PTPRU: variants seen among roughly 807,000 people sequenced by gnomAD.
PTPRU encodes the protein protein tyrosine phosphatase receptor type U.
A neutral mutation model predicts 166.3 loss-of-function variants in PTPRU; 69 were observed. The observed-to-expected ratio is 0.41, with a 90% CI of 0.34 to 0.51. The LOEUF (loss-of-function observed/expected upper bound fraction) is 0.51. Ranked by LOEUF, PTPRU falls within the 20% of genes least tolerant of loss-of-function variation. The pLI, the probability that PTPRU is intolerant of heterozygous loss-of-function variation, is 0.09. For synonymous variants in PTPRU, 793 were observed against 814.0 expected (o/e 0.97, Z 0.44); for missense variants, 1,657 against 2,013.7 (o/e 0.82, Z 3.39).
chr1:29,287,001 G>C (rs1198292870), intron 14 of PTPRU, among the ~76,000 whole-genome samples: 1 of 152,136 alleles, frequency 6.6e-6, no homozygotes, highest in Non-Finnish European at 1.5e-5. Context: ...CTGCATTGTG[G>C]GTATCATGGG....
In PTPRU at chr1:29,325,993, C is replaced by A; in HGVS notation, c.*332C>A. ...TGGCTCTGGGGGACTCAGGCCAAGC[C>A]CCTTGGCACCATCCTGGCTTTTGGC... On this transcript the variant is annotated 3_prime_UTR_variant, in exon 30 of 30. Coordinates refer to ENST00000373779, the MANE Select transcript of PTPRU (RefSeq NM_133178.4). 2.3e-6 allele frequency: 1 copy of A among 427,838 alleles called. No homozygotes were observed. The highest frequency in any genetic ancestry group is 4.1e-6 in the Non-Finnish European group (1 of 245,480). 26.5% of individuals were successfully genotyped at this position (427,838 alleles called of 1,614,324 possible).
chr1:29,323,155 G>A, intron 26 of PTPRU: 2 of 575,870 alleles, frequency 3.5e-6, no homozygotes, highest in South Asian at 4.1e-5. Flanking sequence ...TGATCTGAAC[G>A]TGTCAGTGCA....
chr1:29,288,620 G>A (rs1021463062), intron 14 of PTPRU, among the ~76,000 whole-genome samples: 2 of 152,100 alleles, frequency 1.3e-5, no homozygotes, highest in African/African-American at 2.4e-5. Flanking sequence ...TGCCTTTGCT[G>A]GTCCGTCTTC....
At chr1:29,275,869 C>T in intron 8 of PTPRU, 113 bp downstream of exon 8, 1 of 1,210,908 alleles carries the variant, frequency 8.3e-7, no homozygotes. Flanking sequence ...TAGGATTAAA[C>T]CAACTGTATA....
chr1:29,250,562 G>T (rs147808269), intron 1 of PTPRU, among the ~76,000 whole-genome samples: 121 of 152,364 alleles, frequency 7.9e-4, no homozygotes, highest in Middle Eastern at 3.4e-3. Context: ...CTGAGTTGCT[G>T]AGGATTCACC....
chr1:29,299,884 T>A lies in PTPRU; in HGVS notation c.2477-3971T>A, dbSNP rs553905936. Among the ~76,000 whole-genome samples, 90 of 152,292 alleles carry A rather than the reference T, an allele frequency of 5.9e-4. 1 individual carries two copies. The highest frequency in any genetic ancestry group is 2.0e-3 in the African/African-American group (84 of 41,566). ...ACGGACACTCCTTGGAATCATCTTT[T>A]CAAGCTGCCTTTTAGGTCCCAGACC... is the stretch of plus-strand genomic sequence containing the variant. On this transcript the variant is annotated intron_variant, in intron 15 of 29. Transcript: ENST00000373779.
At chr1:29,290,870 G>A (rs1242731950) in intron 14 of PTPRU, among the ~76,000 whole-genome samples, 1 of 152,266 alleles carries the variant, frequency 6.6e-6, no homozygotes, top group Non-Finnish European at 1.5e-5. Flanking sequence ...CTGGGGATCG[G>A]GTTGGTTTGT....
intron 7 of PTPRU, among the ~76,000 whole-genome samples, chr1:29,266,553 C>T (rs931017788): frequency 6.6e-6 from 1 of 152,156 alleles, no homozygotes; most frequent in African/African-American, 2.4e-5. Context: ...CAGAATGTTC[C>T]AGTGGGAATT....
intron 15 of PTPRU, among the ~76,000 whole-genome samples, chr1:29,296,444 C>A (rs1353676486): frequency 6.6e-6 from 1 of 151,044 alleles, no homozygotes; most frequent in East Asian, 1.9e-4. Flanking sequence ...TAAAAAATTA[C>A]CTTAAATTCC....
chr1:29,286,510 G>C (rs1686356546), intron 14 of PTPRU, among the ~76,000 whole-genome samples: 1 of 152,116 alleles, frequency 6.6e-6, no homozygotes, highest in South Asian at 2.1e-4. Flanking sequence ...GCCTACAAAT[G>C]TGAAGGCCTC....
At chr1:29,294,459 A>G (rs1273964075) in intron 15 of PTPRU, among the ~76,000 whole-genome samples, 2 of 152,166 alleles carry the variant, frequency 1.3e-5, no homozygotes, top group Non-Finnish European at 2.9e-5. Context: ...TTCTTTATAT[A>G]TTTAGGATAA....
chr1:29,246,351 G>A (rs1022786134), intron 1 of PTPRU, among the ~76,000 whole-genome samples: 1 of 152,230 alleles, frequency 6.6e-6, no homozygotes, highest in African/African-American at 2.4e-5. Context: ...TTTGCATTGA[G>A]TGTCCTCACT....
In PTPRU at chr1:29,260,025, C is replaced by T. The variant is rs778529151; in HGVS notation, c.831C>T (p.Phe277=). The stretch of plus-strand genomic sequence containing the variant: ...CGCGCGGCGCGGGCGTCTCTAACTT[C>T]GCGGAGCTCATCGTCAAGGGTCAGC... ...QAPRGAGVSN[F]AELIVKEPPT... The change falls in exon 6 of 30, where the codon TTC becomes TTT. Residue 277 remains phenylalanine, a synonymous_variant. Transcript: ENST00000373779. The surrounding 1 kb of genome is among the most constrained non-coding windows in gnomAD (Gnocchi z 8.3). The T allele has an allele frequency of 8.2e-6, 12 of 1,467,248 alleles. No homozygotes were observed. In the Admixed American group the frequency reaches 2.2e-4, roughly 27 times the overall value. The allele number at this position is 1,467,248 out of a possible 1,614,324, so 90.9% of individuals were successfully genotyped here.
At chr1:29,240,547 T>C (rs1343318335) in intron 1 of PTPRU, among the ~76,000 whole-genome samples, 1 of 151,742 alleles carries the variant, frequency 6.6e-6, no homozygotes, top group Non-Finnish European at 1.5e-5. Flanking sequence ...GGGTGGGGGA[T>C]GGTGTTATGT....
intron 8 of PTPRU, among the ~76,000 whole-genome samples, chr1:29,277,970 C>T (rs1457688073): frequency 6.6e-6 from 1 of 151,708 alleles, no homozygotes. Context: ...AGGCACCTAC[C>T]ACTACGCCGG....
chr1:29,251,262 A>G (rs1241430654), intron 1 of PTPRU, among the ~76,000 whole-genome samples: 8 of 152,104 alleles, frequency 5.3e-5, no homozygotes, highest in Admixed American at 4.6e-4. Context: ...AAAAGAAAAA[A>G]AAAAAAGGAA....
intron 1 of PTPRU, among the ~76,000 whole-genome samples, chr1:29,253,695 T>G (rs553057994): frequency 6.6e-6 from 1 of 151,872 alleles, no homozygotes; most frequent in Non-Finnish European, 1.5e-5. Flanking sequence ...TACCTCTCCC[T>G]CTTCTTCTTG....
intron 15 of PTPRU, among the ~76,000 whole-genome samples, chr1:29,292,569 A>T (rs1454912509): frequency 6.6e-6 from 1 of 152,244 alleles, no homozygotes; most frequent in Non-Finnish European, 1.5e-5. Flanking sequence ...TATTCACAGA[A>T]TATAGTGAGT....
chr1:29,314,623 G>A (rs915426752), intron 22 of PTPRU, among the ~76,000 whole-genome samples: 2 of 151,910 alleles, frequency 1.3e-5, no homozygotes, highest in African/African-American at 4.8e-5. Context: ...TGTCATCCAG[G>A]CTGGAGTGCA....
Sources: gnomAD v4.1 joint callset for allele counts (sites outside exome capture counted in the v4.1 genomes callset) on GRCh38, gnomAD v4.1.1 for gene constraint, Gnocchi (gnomAD v3.1) non-coding constraint, MANE v1.5 for transcripts, NCBI Gene and HGNC (gene_info 2026-07-23, HGNC 2026-07-21) for gene names.